PTGFRN: variants seen among roughly 807,000 people sequenced by gnomAD.
PTGFRN encodes the protein prostaglandin F2 receptor inhibitor.
A neutral mutation model predicts 83.2 loss-of-function variants in PTGFRN; 35 were observed. The observed-to-expected ratio is 0.42, with a 90% CI of 0.32 to 0.56. PTGFRN has a LOEUF of 0.56. Ranked by LOEUF, PTGFRN falls within the 20% of genes least tolerant of loss-of-function variation. PTGFRN has a pLI of 0.11. For synonymous variants in PTGFRN, 519 were observed against 498.6 expected, an observed-to-expected ratio of 1.04 and a Z score of -0.55; for missense variants, 1,051 against 1,179.5, an observed-to-expected ratio of 0.89 and a Z score of 1.60.
chr1:116,949,451 C>T lies in PTGFRN; in HGVS notation c.1092C>T (p.Ser364=). The change falls in exon 4 of 9, where the codon AGC becomes AGT. Residue 364 remains serine (S), a synonymous_variant. Transcript: ENST00000393203. ...RSYHLLVRDV[S]KENSGYYYCH... is the part of the protein sequence containing the mutation. ...ACCATTTACTGGTTCGGGATGTTAG[C>T]AAAGAAAACTCTGGCTACTATTACT... 1 of 1,614,210 alleles carries T rather than the reference C, an allele frequency of 6.2e-7. No individual in the cohort carries two copies. The highest frequency in any genetic ancestry group is 1.1e-5 in the South Asian group (1 of 91,080).
chr1:116,984,877 G>A lies in PTGFRN; in HGVS notation c.2365G>A (p.Gly789Ser). 6.2e-7 allele frequency: 1 copy of A among 1,614,194 alleles called. No individual in the cohort carries two copies. The highest frequency in any genetic ancestry group is 8.5e-7 in the Non-Finnish European group (1 of 1,180,032). The part of the protein sequence containing the change: ...QVHGSEDQDF[G>S]NYYCSVTPWV... Reference sequence around the variant, plus strand: ...GCATGGCTCCGAGGACCAGGACTTTGGCAACTACTACTGTTCCGTGACTCC... The same window carrying A: ...GCATGGCTCCGAGGACCAGGACTTTAGCAACTACTACTGTTCCGTGACTCC... Residue 789 changes from glycine to serine, a missense_variant, in exon 8 of 9, where the codon GGC becomes AGC. Around this residue, in one of 3 missense-constraint regions of PTGFRN, gnomAD observed 719 missense variants for 836.6 expected, o/e 0.86. Transcript: ENST00000393203.
Position 116,967,216 on chromosome 1 carries a change from G to C in PTGFRN, c.1945G>C (p.Asp649His). The stretch of plus-strand genomic sequence containing the variant: ...TCGAATGTACCAGACTCAGGTCTCA[G>C]ACGCAGGGCTGTACCGCTGCATGGT... ...RYRMYQTQVS[D>H]AGLYRCMVTA... Residue 649 changes from aspartate (D) to histidine (H), a missense_variant, in exon 6 of 9, where the codon GAC (aspartate) becomes CAC (histidine). Around this residue, in one of 3 missense-constraint regions of PTGFRN, gnomAD observed 719 missense variants for 836.6 expected, o/e 0.86. Transcript: ENST00000393203. 1 of 1,614,230 alleles carries C rather than the reference G, an allele frequency of 6.2e-7. No homozygotes were observed. Among genetic ancestry groups the C allele is most frequent in the Non-Finnish European group, 8.5e-7 (1 of 1,180,044 alleles).
intron 1 of PTGFRN, among the ~76,000 whole-genome samples, chr1:116,916,633 C>A (rs1649413431): frequency 6.6e-6 from 1 of 152,182 alleles, no homozygotes; most frequent in Admixed American, 6.5e-5. Context: ...TGTACAGATA[C>A]TGTCATTTCC....
rs1194387538 is a variant in PTGFRN, at chr1:116,990,295, A to C, written c.*3328A>C. 2.0e-5 allele frequency: 3 copies of C among 152,674 alleles called. No homozygotes were observed. Among genetic ancestry groups the C allele is most frequent in the Non-Finnish European group, 4.4e-5 (3 of 68,040 alleles). The allele number at this position is 152,674 out of a possible 1,614,324, so 9.5% of individuals were successfully genotyped here. On this transcript the variant is annotated 3_prime_UTR_variant, in exon 9 of 9. Transcript: ENST00000393203. ...AATTGTATTGTTTTATACTGTGACC[A>C]CAAATATTATGCAATGCACCATTTG...
At chr1:116,936,577 C>A (rs1031834948) in intron 1 of PTGFRN, among the ~76,000 whole-genome samples, 1 of 152,114 alleles carries the variant, frequency 6.6e-6, no homozygotes, top group Non-Finnish European at 1.5e-5. Flanking sequence ...CTGCTTCTTA[C>A]AAGAGGGTGA....
intron 4 of PTGFRN, among the ~76,000 whole-genome samples, chr1:116,954,386 G>T (rs767459359): frequency 6.6e-6 from 1 of 151,502 alleles, no homozygotes; most frequent in Admixed American, 6.6e-5. Context: ...TGATCGTGGT[G>T]TCATTTTGAC....
At position 116,978,019 on chromosome 1, in the gene PTGFRN, A is replaced by G. The variant is rs762303735; in HGVS notation, c.2167+3696A>G. ...AAAGAGAGAAGAATCAAATAGATGC[A>G]ATAAAAAATGATAAAGGGGATATCA... On this transcript the variant is annotated intron_variant, in intron 7 of 8. Transcript: ENST00000393203. 3.0e-3 allele frequency among the ~76,000 whole-genome samples: 458 copies of G among 152,372 alleles called. 2 individuals carry two copies. Among genetic ancestry groups the G allele is most frequent in the Non-Finnish European group, 4.3e-3 (293 of 68,032 alleles).
chr1:116,974,327 C>A lies in PTGFRN; in HGVS notation c.2167+4C>A, dbSNP rs765204233. ...GAGGGAGCAGCACTGGATCCAGGTA[C>A]CTCACTCCATCCTCACCCCTTCACC... On this transcript the variant is annotated splice_donor_region_variant and intron_variant, in intron 7 of 8. Coordinates refer to ENST00000393203, the MANE Select transcript of PTGFRN (RefSeq NM_020440.4). 4 of 1,583,666 alleles carry A rather than the reference C, an allele frequency of 2.5e-6. No homozygotes were observed. The Admixed American group carries it at 6.7e-5, about 26-fold the overall frequency.
At chr1:116,930,987 T>G (rs1649784247) in intron 1 of PTGFRN, among the ~76,000 whole-genome samples, 1 of 152,212 alleles carries the variant, frequency 6.6e-6, no homozygotes, top group African/African-American at 2.4e-5. Flanking sequence ...TGGATGGAAA[T>G]GTCCTCATTC....
At chr1:116,969,955 T>C (rs924946908) in intron 6 of PTGFRN, among the ~76,000 whole-genome samples, 5 of 152,206 alleles carry the variant, frequency 3.3e-5, no homozygotes, top group Non-Finnish European at 5.9e-5. Flanking sequence ...TCCTGTGACC[T>C]TGCTGAACTT....
chr1:116,974,094 G>T (rs1035152110), intron 6 of PTGFRN, 122 bp from the exon 7 acceptor site: 13 of 691,384 alleles, frequency 1.9e-5, no homozygotes, highest in African/African-American at 3.6e-5. Flanking sequence ...CACCTATTTT[G>T]TGAGTTTCTA....
intron 1 of PTGFRN, among the ~76,000 whole-genome samples, chr1:116,911,714 C>A (rs1649276919): frequency 6.6e-6 from 1 of 152,232 alleles, no homozygotes; most frequent in African/African-American, 2.4e-5. Context: ...ACAACCACAG[C>A]TCACTGAAGC....
rs941302231 is a variant in PTGFRN at position 116,986,978 on chromosome 1, G to A, written c.*11G>A. 40 of 1,613,934 alleles carry A rather than the reference G, an allele frequency of 2.5e-5. No individual in the cohort carries two copies. The highest frequency in any genetic ancestry group is 3.3e-5 in the Non-Finnish European group (39 of 1,180,004). On this transcript the variant is annotated 3_prime_UTR_variant, in exon 9 of 9. Transcript: ENST00000393203. ...ATGGAGATGGACTAGGCTGGCCCGG[G>A]AGGGGAGTGACAGAGGGACGTTCTA...
rs1284867982 is a variant in PTGFRN at position 116,923,728 on chromosome 1, A to G, written c.49+13476A>G. ...AACCATGGATCATCTGCTTGTCATCACTGTTCTAGGGAGCAGCCCACACTG... is the reference window on the plus strand; with the variant it reads ...AACCATGGATCATCTGCTTGTCATCGCTGTTCTAGGGAGCAGCCCACACTG... On this transcript the variant is annotated intron_variant, in intron 1 of 8. Coordinates refer to ENST00000393203, the MANE Select transcript of PTGFRN (RefSeq NM_020440.4). The surrounding 1 kb of genome is among the most constrained non-coding windows in gnomAD (Gnocchi z 4.0). Among the ~76,000 whole-genome samples the G allele has an allele frequency of 6.6e-6, 1 of 151,930 alleles. No homozygotes were observed. The highest frequency in any genetic ancestry group is 1.5e-5 in the Non-Finnish European group (1 of 68,006).
intron 1 of PTGFRN, among the ~76,000 whole-genome samples, chr1:116,922,324 A>G (rs1319053718): frequency 6.6e-6 from 1 of 152,232 alleles, no homozygotes; most frequent in Non-Finnish European, 1.5e-5. Context: ...TCAAAGGACT[A>G]TGACCTGATA....
chr1:116,963,890 C>T (rs900452057), intron 5 of PTGFRN, among the ~76,000 whole-genome samples: 3 of 152,012 alleles, frequency 2.0e-5, no homozygotes, highest in Admixed American at 1.3e-4. Context: ...ATCCTCCCAC[C>T]TCAGCCTCCC....
chr1:116,981,809 T>C (rs567706003), intron 7 of PTGFRN, among the ~76,000 whole-genome samples: 2 of 152,304 alleles, frequency 1.3e-5, no homozygotes, highest in African/African-American at 4.8e-5. Flanking sequence ...CAAAAGCAGG[T>C]GGTGGGCTGG....
In PTGFRN at chr1:116,976,154, G is replaced by A. The variant is rs192506691; in HGVS notation, c.2167+1831G>A. Among the ~76,000 whole-genome samples the A allele has an allele frequency of 2.5e-3, 375 of 152,270 alleles. 3 individuals are homozygous for A. Among genetic ancestry groups the A allele is most frequent in the African/African-American group, 8.1e-3 (338 of 41,556 alleles). ...GAAGATCAAACGAATGAAATGAAGC[G>A]AGAAGAGAAGTTTAGAGAAAAAAGA... On this transcript the variant is annotated intron_variant, in intron 7 of 8. Coordinates refer to ENST00000393203, the MANE Select transcript of PTGFRN (RefSeq NM_020440.4).
At chr1:116,968,166 G>C (rs1650893043) in intron 6 of PTGFRN, among the ~76,000 whole-genome samples, 1 of 152,168 alleles carries the variant, frequency 6.6e-6, no homozygotes, top group African/African-American at 2.4e-5. Flanking sequence ...ATTATCATTT[G>C]TGAGTTTAAT....
Sources: gnomAD v4.1 joint callset for allele counts (sites outside exome capture counted in the v4.1 genomes callset) on GRCh38, gnomAD v4.1.1 for gene constraint, gnomAD v4.1.1 regional missense constraint, Gnocchi (gnomAD v3.1) non-coding constraint, MANE v1.5 for transcripts, NCBI Gene and HGNC (gene_info 2026-07-23, HGNC 2026-07-21) for gene names.